The following PTCD1 variants were observed in gnomAD, a reference collection of about 807,000 sequenced individuals.
PTCD1 encodes pentatricopeptide repeat domain 1, also known as pentatricopeptide repeat-containing protein 1, mitochondrial.
In PTCD1, 50 loss-of-function variants were observed where a neutral mutation model predicts 53.4. That is an observed-to-expected ratio of 0.94 (90% CI 0.75 to 1.19). The LOEUF (loss-of-function observed/expected upper bound fraction) is 1.19. PTCD1 is among the 50% of genes most tolerant of loss of function. The pLI, the probability that PTCD1 is intolerant of heterozygous loss-of-function variation, is 0.00. For missense variants in PTCD1, 918 were observed against 904.8 expected (o/e 1.01, Z -0.19); for synonymous variants, 413 against 394.8 (o/e 1.05, Z -0.55).
chr7:99,427,312 T>G (rs1419669882), intron 5 of PTCD1, among the ~76,000 whole-genome samples: 15 of 75,856 alleles, frequency 2.0e-4, no homozygotes, highest in East Asian at 8.2e-4. Context: ...GGTGGGGGGG[T>G]CAGCCCCCCG....
intron 3 of PTCD1, among the ~76,000 whole-genome samples, 156 bp from the exon 4 acceptor site, chr7:99,429,962 C>G (rs1435187591): frequency 1.3e-5 from 2 of 152,186 alleles, no homozygotes; most frequent in Non-Finnish European, 2.9e-5. Flanking sequence ...GAGCCCAGCT[C>G]TCCAAACTCA....
At chr7:99,421,079 A>G (rs192162960) in intron 7 of PTCD1, among the ~76,000 whole-genome samples, 2 of 152,314 alleles carry the variant, frequency 1.3e-5, no homozygotes, top group African/African-American at 2.4e-5. Context: ...GTCCACCATC[A>G]TGAGGGAATA....
rs1193063117 is a variant in PTCD1, at chr7:99,438,761, C to T, written c.-96G>A. The T allele has an allele frequency of 2.2e-6, 3 of 1,342,442 alleles. No homozygotes were observed. The highest frequency in any genetic ancestry group is 2.9e-6 in the Non-Finnish European group (3 of 1,024,738). The allele number at this position is 1,342,442 out of a possible 1,614,324, so 83.2% of individuals were successfully genotyped here. On this transcript the variant is annotated 5_prime_UTR_variant, in exon 1 of 8. Transcript: ENST00000292478. The stretch of plus-strand genomic sequence containing the variant: ...GTCCCCGCGGCGAACCAGTCTCTTC[C>T]TCGGGTCCCCCTCTCCCCAAGCGCG...
chr7:99,424,703 TGGG>T, intron 6 of PTCD1, 89 bp downstream of exon 6: 1 of 1,503,666 alleles, frequency 6.7e-7, no homozygotes, highest in East Asian at 2.4e-5. Flanking sequence ...CCTCTCCAGG[TGGG>T]GGGTCTGCAG....
At chr7:99,435,354 C>A in intron 1 of PTCD1, 86 bp from the exon 2 acceptor site, 2 of 1,531,800 alleles carry the variant, frequency 1.3e-6, no homozygotes, top group South Asian at 2.4e-5. Flanking sequence ...AAGTATGGGC[C>A]CAGGCCAGGC....
At position 99,436,572 on chromosome 7, in the gene PTCD1, G is replaced by A. The variant is rs574882575; in HGVS notation, c.-26-1304C>T. Among the ~76,000 whole-genome samples, 18 of 152,168 alleles carry A rather than the reference G, an allele frequency of 1.2e-4. No homozygotes were observed. The South Asian group carries it at 2.7e-3, about 23-fold the overall frequency. ...AGAGGTTGCAGTGAGCCAAGATCGC[G>A]CCATTGCACTCCAGCCTGAGCGACA... On this transcript the variant is annotated intron_variant, in intron 1 of 7. Coordinates refer to ENST00000292478, the MANE Select transcript of PTCD1 (RefSeq NM_015545.4).
rs2150943161 is a variant in PTCD1, at chr7:99,419,706, G to A, written c.*261C>T. 1 of 694,796 alleles carries A rather than the reference G, an allele frequency of 1.4e-6. No individual in the cohort carries two copies. The highest frequency in any genetic ancestry group is 1.9e-5 in the South Asian group (1 of 52,532). 43.0% of individuals were successfully genotyped at this position (694,796 alleles called of 1,614,324 possible). ...GACCAGATGCCCCAGCCCCCTTGTGGTGTGTGAGGTGACACACAAAGGTAG... is the reference window on the plus strand; with the variant it reads ...GACCAGATGCCCCAGCCCCCTTGTGATGTGTGAGGTGACACACAAAGGTAG... On this transcript the variant is annotated 3_prime_UTR_variant, in exon 8 of 8. Transcript: ENST00000292478.
chr7:99,426,134 C>T (rs1218583193), intron 5 of PTCD1, among the ~76,000 whole-genome samples: 1 of 149,098 alleles, frequency 6.7e-6, no homozygotes, highest in African/African-American at 2.5e-5. Flanking sequence ...CCTCCCTCTC[C>T]CCATGGTCTC....
intron 1 of PTCD1, among the ~76,000 whole-genome samples, chr7:99,437,506 T>C (rs935609486): frequency 6.6e-6 from 1 of 152,090 alleles, no homozygotes; most frequent in African/African-American, 2.4e-5. Context: ...GGTTTCACCA[T>C]GTTGGCCAGG....
chr7:99,437,316 TTTC>T (rs1004522822), intron 1 of PTCD1, among the ~76,000 whole-genome samples: 1 of 150,746 alleles, frequency 6.6e-6, no homozygotes, highest in Non-Finnish European at 1.5e-5. Context: ...CATAATTTCT[TTTC>T]TTTTCTTTTT....
chr7:99,429,932 GCAGAGCCATGGACACAT>G, intron 3 of PTCD1, 126 bp from the exon 4 acceptor site: 1 of 1,195,808 alleles, frequency 8.4e-7, no homozygotes, highest in Non-Finnish European at 1.2e-6. Flanking sequence ...AGGCTCTAAG[GCAGAGCCATGGACACAT>G]CAGAGCCCAG....
chr7:99,428,518 G>T (rs1053332625), intron 5 of PTCD1, among the ~76,000 whole-genome samples: 1 of 151,864 alleles, frequency 6.6e-6, no homozygotes, highest in African/African-American at 2.4e-5. Context: ...CAGGCGGGCA[G>T]ATCACATGAG....
chr7:99,423,683 CA>C, intron 7 of PTCD1, 91 bp downstream of exon 7: 3 of 1,601,560 alleles, frequency 1.9e-6, no homozygotes, highest in Non-Finnish European at 2.6e-6. Flanking sequence ...CATGGCAACA[CA>C]ATCCCAAGGG....
chr7:99,426,197 G>C (rs1032502351), intron 5 of PTCD1, among the ~76,000 whole-genome samples: 30 of 76,108 alleles, frequency 3.9e-4, no homozygotes, highest in Admixed American at 6.3e-4. Flanking sequence ...CTCTCCCCAC[G>C]GTCTCCCTCT....
rs1291141565 is a variant in PTCD1, at chr7:99,426,847, G to A, written c.916-1231C>T. On this transcript the variant is annotated intron_variant, in intron 5 of 7. Coordinates refer to ENST00000292478, the MANE Select transcript of PTCD1 (RefSeq NM_015545.4). ...CCCGCCGCCCCGTCTGGGATGTGAG[G>A]AGCGCCTCTGCCCGGCCGCGACCCC... Among the ~76,000 whole-genome samples, 7 of 150,272 alleles carry A rather than the reference G, an allele frequency of 4.7e-5. No homozygotes were observed. In the East Asian group the frequency reaches 8.0e-4, roughly 17 times the overall value.
chr7:99,429,035 C>A (rs1796161510), intron 5 of PTCD1, 68 bp downstream of exon 5: 7 of 1,571,124 alleles, frequency 4.5e-6, no homozygotes, highest in Middle Eastern at 1.7e-4. Context: ...TGGGTGCTCA[C>A]AGGATCACCA....
Position 99,423,868 on chromosome 7 carries a change from G to A in PTCD1, c.1827C>T (p.Ile609=). Residue 609 remains isoleucine (I), a synonymous_variant, in exon 7 of 8, where the codon ATC becomes ATT. Transcript: ENST00000292478. The part of the protein sequence containing the change: ...RKLNYTYLIS[I]LKDMKQNRVP... Reference sequence around the variant, plus strand: ...CCCTGTTCTGCTTCATGTCCTTCAAGATGCTGATGAGATAGGTGTAGTTCA... The same window carrying A: ...CCCTGTTCTGCTTCATGTCCTTCAAAATGCTGATGAGATAGGTGTAGTTCA... 1.2e-6 allele frequency: 2 copies of A among 1,614,208 alleles called. No individual in the cohort carries two copies. Among genetic ancestry groups the A allele is most frequent in the African/African-American group, 2.7e-5 (2 of 75,030 alleles).
Position 99,419,289 on chromosome 7 carries a change from T to C in PTCD1, c.*678A>G. Reference sequence around the variant, plus strand: ...AGGGTTTCTGAGGTGTGTCCCTATATGGCATGGTGGCAGGTCCTTCGTGGG... The same window carrying C: ...AGGGTTTCTGAGGTGTGTCCCTATACGGCATGGTGGCAGGTCCTTCGTGGG... On this transcript the variant is annotated 3_prime_UTR_variant, in exon 8 of 8. Coordinates refer to ENST00000292478, the MANE Select transcript of PTCD1 (RefSeq NM_015545.4). The C allele has an allele frequency of 1.4e-6, 2 of 1,403,150 alleles. No homozygotes were observed. The highest frequency in any genetic ancestry group is 2.3e-5 in the East Asian group (1 of 43,808). 86.9% of individuals were successfully genotyped at this position (1,403,150 alleles called of 1,614,324 possible).
Position 99,419,388 on chromosome 7 carries a change from C to G in PTCD1, c.*579G>C, listed in dbSNP as rs1448712289. 1.2e-6 allele frequency: 2 copies of G among 1,612,982 alleles called. No individual in the cohort carries two copies. ...ATCGTCTCACTGTCCTCCTCCGTTG[C>G]AGGGCCGCATCATCGAGTGCACACA... On this transcript the variant is annotated 3_prime_UTR_variant, in exon 8 of 8. Transcript: ENST00000292478.
Sources: gnomAD v4.1 joint callset for allele counts (sites outside exome capture counted in the v4.1 genomes callset) on GRCh38, gnomAD v4.1.1 for gene constraint, MANE v1.5 for transcripts, NCBI Gene and HGNC (gene_info 2026-07-23, HGNC 2026-07-21) for gene names.